The following ZBED6 variants were observed in gnomAD, a reference collection of about 807,000 sequenced individuals.
The protein encoded by ZBED6 is zinc finger BED domain-containing protein 6.
In ZBED6, 40 loss-of-function variants were observed where a neutral mutation model predicts 58.4. That is an observed-to-expected ratio of 0.68 (90% CI 0.53 to 0.89). The LOEUF (loss-of-function observed/expected upper bound fraction) is 0.89. ZBED6 is among the 40% of genes least tolerant of loss of function. The pLI is 0.00. For missense variants in ZBED6, 1,057 were observed against 1,003.9 expected (o/e 1.05, Z -0.71); for synonymous variants, 439 against 350.6 (o/e 1.25, Z -2.82).
chr1:203,848,110 A>G (rs1295465192), intron 12 of ZBED6, among the ~76,000 whole-genome samples: 1 of 152,120 alleles, frequency 6.6e-6, no homozygotes, highest in African/African-American at 2.4e-5. Flanking sequence ...TGCTTGCTTC[A>G]GTCTCCCAAA....
chr1:203,796,324 C>T (rs946424901), exon 1 of ZBED6: 6 of 398,292 alleles, frequency 1.5e-5, no homozygotes, highest in Non-Finnish European at 2.7e-5. Context: ...GTCTCAAACT[C>T]CACATACAGA....
chr1:203,827,614 G>A (rs1354086558), intron 3 of ZBED6, among the ~76,000 whole-genome samples: 5 of 151,780 alleles, frequency 3.3e-5, no homozygotes, highest in East Asian at 1.9e-4. Flanking sequence ...CCCGGGAGGC[G>A]GAGCTTGCAG....
chr1:203,843,599 G>A (rs568854059), intron 11 of ZBED6, among the ~76,000 whole-genome samples: 140 of 152,290 alleles, frequency 9.2e-4, no homozygotes, highest in African/African-American at 3.2e-3. Flanking sequence ...ATTGTAGAAT[G>A]AAAGCAGCCA....
chr1:203,798,537 A>G (rs1294098274), exon 1 of ZBED6: 1 of 1,536,010 alleles, frequency 6.5e-7, no homozygotes, highest in African/African-American at 1.4e-5. Context: ...TGAGACTGAG[A>G]GAAGTGATCT....
intron 10 of ZBED6, among the ~76,000 whole-genome samples, chr1:203,838,858 C>T (rs1319348322): frequency 6.8e-6 from 1 of 148,138 alleles, no homozygotes; most frequent in Non-Finnish European, 1.5e-5. Context: ...GAGGCTGAGG[C>T]AGGAGAATTG....
At chr1:203,799,133 C>A in exon 1 of ZBED6, 1 of 1,505,202 alleles carries the variant, frequency 6.6e-7, no homozygotes, top group Non-Finnish European at 8.9e-7. Context: ...GTTTGATAAC[C>A]AATATTTTAC....
intron 13 of ZBED6, among the ~76,000 whole-genome samples, chr1:203,848,639 G>A (rs983054551): frequency 2.6e-5 from 4 of 152,160 alleles, no homozygotes; most frequent in Non-Finnish European, 5.9e-5. Flanking sequence ...TGTAATCCCA[G>A]CACTTTGGGA....
At chr1:203,815,379 CTTTTT>C (rs397711285) in intron 1 of ZBED6, among the ~76,000 whole-genome samples, 21 of 96,916 alleles carry the variant, frequency 2.2e-4, no homozygotes, top group Non-Finnish European at 2.9e-4. Flanking sequence ...CCACACCCAG[CTTTTT>C]TTTTTTTTTT....
intron 1 of ZBED6, among the ~76,000 whole-genome samples, chr1:203,809,676 G>A (rs1169496211): frequency 6.6e-6 from 1 of 151,946 alleles, no homozygotes; most frequent in Non-Finnish European, 1.5e-5. Flanking sequence ...CAGGTTAACC[G>A]GGTGCGGTGG....
chr1:203,839,603 T>G (rs976367778), intron 10 of ZBED6, among the ~76,000 whole-genome samples: 1 of 152,210 alleles, frequency 6.6e-6, no homozygotes, highest in African/African-American at 2.4e-5. Context: ...AAAAGTTACT[T>G]TCTTTGCCAC....
chr1:203,843,470 C>T (rs530751434), intron 11 of ZBED6, among the ~76,000 whole-genome samples: 2 of 152,224 alleles, frequency 1.3e-5, no homozygotes, highest in East Asian at 3.9e-4. Context: ...TTTTGGCTAA[C>T]CTTCTGTGAG....
At chr1:203,806,950 T>G (rs1203614976) in intron 1 of ZBED6, among the ~76,000 whole-genome samples, 1 of 152,050 alleles carries the variant, frequency 6.6e-6, no homozygotes, top group East Asian at 1.9e-4. Flanking sequence ...TTTTTTTTGT[T>G]TTTTACCCCT....
At chr1:203,839,926 C>T (rs1247075279) in intron 10 of ZBED6, among the ~76,000 whole-genome samples, 1 of 151,970 alleles carries the variant, frequency 6.6e-6, no homozygotes, top group African/African-American at 2.4e-5. Context: ...GTCTCAGCCT[C>T]CAGAGTATCT....
intron 1 of ZBED6, among the ~76,000 whole-genome samples, chr1:203,811,613 A>T (rs1674512549): frequency 6.6e-6 from 1 of 151,960 alleles, no homozygotes; most frequent in Admixed American, 6.6e-5. Context: ...GATTCAAGCG[A>T]TTCTTGTACA....
intron 11 of ZBED6, among the ~76,000 whole-genome samples, chr1:203,842,625 CTTTT>C (rs575844553): frequency 7.0e-5 from 9 of 128,326 alleles, no homozygotes; most frequent in African/African-American, 2.3e-4. Context: ...GAGGGGGAAT[CTTTT>C]TTTTTTTTTT....
At position 203,838,087 on chromosome 1, in the gene ZBED6, T is replaced by G. The variant is rs746555049; in HGVS notation, c.*3672+23T>G. The G allele has an allele frequency of 2.5e-6, 4 of 1,600,226 alleles. No individual in the cohort carries two copies. In the African/African-American group the frequency reaches 5.4e-5, roughly 21 times the overall value. The stretch of plus-strand genomic sequence containing the variant: ...AAGGTACCTGTGTTCTTACATACTT[T>G]GTGTGTGTATGTAATTATGACACTT... On this transcript the variant is annotated intron_variant, in intron 10 of 16. Transcript: ENST00000550078.
chr1:203,841,973 G>A (rs1482117023), intron 11 of ZBED6, among the ~76,000 whole-genome samples: 3 of 150,982 alleles, frequency 2.0e-5, no homozygotes, highest in Non-Finnish European at 4.4e-5. Flanking sequence ...GGCCGCGGCT[G>A]GGCAGAGGGG....
chr1:203,820,532 C>T (rs948954889), intron 3 of ZBED6, among the ~76,000 whole-genome samples: 3 of 150,392 alleles, frequency 2.0e-5, no homozygotes, highest in African/African-American at 7.4e-5. Context: ...GGCTGGAGTG[C>T]AGTGGTGGGA....
exon 16 of ZBED6, chr1:203,851,067 C>T (rs267598317): frequency 6.2e-7 from 1 of 1,614,088 alleles, no homozygotes; most frequent in Non-Finnish European, 8.5e-7. Context: ...GCTGTTGTCC[C>T]GCTTGTCTCT....
Sources: allele counts gnomAD v4.1 joint callset (sites outside exome capture counted in the v4.1 genomes callset), GRCh38; gene constraint gnomAD v4.1.1; transcripts MANE v1.5; gene names NCBI Gene and HGNC (gene_info 2026-07-23, HGNC 2026-07-21).